Variants in PCBP3 observed in about 807,000 individuals in gnomAD.
PCBP3 encodes the protein poly(rC) binding protein 3, also known as poly(rC)-binding protein 3.
A neutral mutation model predicts 52.7 loss-of-function variants in PCBP3; 25 were observed. The ratio of observed to expected loss-of-function variants is 0.47; its 90% CI spans 0.35 to 0.66. PCBP3 has a LOEUF of 0.66. PCBP3 is among the 30% of genes least tolerant of loss of function. PCBP3 has a pLI of 0.01. For synonymous variants in PCBP3, 162 were observed against 183.0 expected (o/e 0.89, Z 0.93); for missense variants, 391 against 490.3 (o/e 0.80, Z 1.91).
At chr21:45,874,532 TCTTG>T (rs2095173323) in intron 5 of PCBP3, among the ~76,000 whole-genome samples, 3 of 145,356 alleles carry the variant, frequency 2.1e-5, no homozygotes, top group African/African-American at 7.7e-5. Flanking sequence ...TGAGACAGAG[TCTTG>T]CTCTGTCGTC....
intron 4 of PCBP3, among the ~76,000 whole-genome samples, chr21:45,833,720 G>A (rs2093510642): frequency 1.3e-5 from 2 of 152,180 alleles, no homozygotes; most frequent in South Asian, 4.1e-4. Context: ...AGGCCTAAGG[G>A]GCTAAGAGCT....
At chr21:45,934,932 G>A (rs2076718834) in intron 15 of PCBP3, among the ~76,000 whole-genome samples, 1 of 152,228 alleles carries the variant, frequency 6.6e-6, no homozygotes, top group South Asian at 2.1e-4. Flanking sequence ...GGGCCCACCA[G>A]GGTGGCTTTC....
chr21:45,865,421 G>A (rs139313822), intron 5 of PCBP3, among the ~76,000 whole-genome samples: 191 of 152,342 alleles, frequency 1.3e-3, no homozygotes, highest in African/African-American at 4.0e-3. Context: ...ATATTCCTTC[G>A]CTTCTATCAG....
At chr21:45,804,910 G>T (rs903749151) in intron 4 of PCBP3, among the ~76,000 whole-genome samples, 1 of 152,066 alleles carries the variant, frequency 6.6e-6, no homozygotes, top group Admixed American at 6.5e-5. Context: ...TACCAGCTCA[G>T]AGCTGGGCAT....
chr21:45,895,459 G>C (rs2095800166), intron 5 of PCBP3, among the ~76,000 whole-genome samples: 2 of 152,186 alleles, frequency 1.3e-5, no homozygotes, highest in African/African-American at 4.8e-5. Flanking sequence ...CCTCGGAGCA[G>C]GGTCCCCACC....
chr21:45,759,407 C>T, intron 4 of PCBP3, among the ~76,000 whole-genome samples: 1 of 152,186 alleles, frequency 6.6e-6, no homozygotes, highest in East Asian at 1.9e-4. Flanking sequence ...TCCGGAACAG[C>T]TTCCGCTAAC....
intron 13 of PCBP3, among the ~76,000 whole-genome samples, chr21:45,920,582 G>T (rs1221003761): frequency 6.6e-6 from 1 of 152,202 alleles, no homozygotes; most frequent in African/African-American, 2.4e-5. Context: ...AATCACCAAG[G>T]TGACAGTATT....
At chr21:45,655,789 C>T (rs2087457476) in intron 1 of PCBP3, among the ~76,000 whole-genome samples, 1 of 151,812 alleles carries the variant, frequency 6.6e-6, no homozygotes, top group Admixed American at 6.6e-5. Context: ...CCAGAGCCTA[C>T]AAAGTACTTA....
chr21:45,896,109 G>A, intron 5 of PCBP3, 99 bp from the exon 6 acceptor site: 1 of 1,170,344 alleles, frequency 8.5e-7, no homozygotes, highest in Non-Finnish European at 1.2e-6. Context: ...CCATTCTCCT[G>A]CCACCCGGGA....
At chr21:45,871,840 T>C (rs141245026) in intron 5 of PCBP3, 1 of 152,364 alleles carries the variant, frequency 6.6e-6, no homozygotes, top group Non-Finnish European at 1.5e-5. Flanking sequence ...TCTGGGAGTT[T>C]TCCTTAAGCA....
At chr21:45,753,844 T>C (rs2146392676) in intron 3 of PCBP3, among the ~76,000 whole-genome samples, 1 of 152,308 alleles carries the variant, frequency 6.6e-6, no homozygotes, top group South Asian at 2.1e-4. Flanking sequence ...GGCATTTTCA[T>C]TCTCAACTGT....
At chr21:45,792,466 T>C (rs2091670714) in intron 4 of PCBP3, among the ~76,000 whole-genome samples, 1 of 152,246 alleles carries the variant, frequency 6.6e-6, no homozygotes, top group South Asian at 2.1e-4. Context: ...TAGAGTTTTC[T>C]TTTTTAAAAA....
At chr21:45,758,729 A>G (rs531106168) in intron 4 of PCBP3, among the ~76,000 whole-genome samples, 1 of 151,102 alleles carries the variant, frequency 6.6e-6, no homozygotes, top group Non-Finnish European at 1.5e-5. Flanking sequence ...CAGGCTCTTT[A>G]TTTCTTTTAC....
At chr21:45,700,274 A>G (rs2083035867) in intron 2 of PCBP3, among the ~76,000 whole-genome samples, 1 of 152,246 alleles carries the variant, frequency 6.6e-6, no homozygotes, top group African/African-American at 2.4e-5. Context: ...CTTTTTAGAA[A>G]GACAATCATA....
chr21:45,908,013 G>C (rs73907993), intron 9 of PCBP3, among the ~76,000 whole-genome samples: 141 of 152,246 alleles, frequency 9.3e-4, no homozygotes, highest in African/African-American at 3.3e-3. Context: ...TCATTTGAAG[G>C]CCTCTTCATA....
chr21:45,909,257 G>A (rs2096279258), intron 9 of PCBP3, 98 bp from the exon 10 acceptor site: 2 of 1,300,694 alleles, frequency 1.5e-6, no homozygotes, highest in African/African-American at 2.9e-5. Flanking sequence ...GGGCTCTGTG[G>A]GCTTCTGAGT....
At chr21:45,907,838 C>G (rs1159672943) in intron 9 of PCBP3, among the ~76,000 whole-genome samples, 1 of 143,260 alleles carries the variant, frequency 7.0e-6, no homozygotes, top group East Asian at 2.0e-4. Context: ...GATGGAGGAG[C>G]TGGAAGGGAA....
At chr21:45,787,391 C>T (rs887591194) in intron 4 of PCBP3, among the ~76,000 whole-genome samples, 5 of 151,800 alleles carry the variant, frequency 3.3e-5, no homozygotes, top group African/African-American at 7.3e-5. Context: ...ACTACAGGCG[C>T]GTGTCACCAC....
intron 4 of PCBP3, among the ~76,000 whole-genome samples, chr21:45,794,711 C>A (rs1018862281): frequency 3.9e-5 from 6 of 152,170 alleles, no homozygotes; most frequent in African/African-American, 1.4e-4. Flanking sequence ...GGGCGGATCA[C>A]AAGGTTAGGA....
Sources: gnomAD v4.1 joint callset for allele counts (sites outside exome capture counted in the v4.1 genomes callset) on GRCh38, gnomAD v4.1.1 for gene constraint, MANE v1.5 for transcripts, NCBI Gene and HGNC (gene_info 2026-07-23, HGNC 2026-07-21) for gene names.